KCNA6: variants seen among roughly 807,000 people sequenced by gnomAD.
The protein encoded by KCNA6 is human brain potassium channel-2.
Under a neutral mutation model 29.5 loss-of-function variants are expected in KCNA6, and 17 were observed. The ratio of observed to expected loss-of-function variants is 0.58; its 90% CI spans 0.39 to 0.86. KCNA6 has a LOEUF of 0.86. KCNA6 is among the 40% of genes least tolerant of loss of function. The pLI is 0.00. For missense variants in KCNA6, 450 were observed against 703.4 expected, an observed-to-expected ratio of 0.64 and a Z score of 4.07; for synonymous variants, 296 against 304.7, an observed-to-expected ratio of 0.97 and a Z score of 0.30.
the KCNA6 span, among the ~76,000 whole-genome samples, chr12:4,820,415 T>G: frequency 2.0e-5 from 3 of 151,912 alleles, no homozygotes; most frequent in Non-Finnish European, 4.4e-5. Context: ...AGGAGACTGA[T>G]GCAGAGAAGT....
At chr12:4,849,822 A>G in the KCNA6 span, among the ~76,000 whole-genome samples, 1 of 152,240 alleles carries the variant, frequency 6.6e-6, no homozygotes, top group Admixed American at 6.5e-5. Context: ...ACCTTTTCCA[A>G]AGCAGTTTCA....
the KCNA6 span, chr12:4,839,035 A>G: frequency 6.6e-6 from 1 of 152,234 alleles, no homozygotes; most frequent in Non-Finnish European, 1.5e-5. Context: ...GACTGCTTTC[A>G]TAGGCTCTCA....
chr12:4,845,044 C>T, the KCNA6 span, among the ~76,000 whole-genome samples: 1 of 152,270 alleles, frequency 6.6e-6, no homozygotes, highest in Non-Finnish European at 1.5e-5. Flanking sequence ...TGGAGCCTTC[C>T]ATTGCGGAAG....
chr12:4,846,945 A>AT, the KCNA6 span, among the ~76,000 whole-genome samples: 65 of 142,686 alleles, frequency 4.6e-4, no homozygotes, highest in South Asian at 2.5e-3. Context: ...CGCCCAGCTA[A>AT]TTTTTTTTTT....
chr12:4,810,128 G>A lies in KCNA6; in HGVS notation c.87G>A (p.Pro29=), dbSNP rs767055334. ...AGCAACAGGATGCGGGAGACTTCCC[G>A]GAGGCCGGCGGGGGCGGGGGCTGCT... The change falls in exon 1 of 1, where the codon CCG becomes CCA. Residue 29 remains proline, a synonymous_variant. Coordinates refer to ENST00000280684, the Ensembl canonical transcript of KCNA6. This position sits in a 1 kb window ranked among gnomAD's most constrained non-coding sequence, Gnocchi z 7.5. 3.8e-6 allele frequency: 6 copies of A among 1,597,490 alleles called. No individual in the cohort carries two copies. The Admixed American group carries it at 8.4e-5, about 22-fold the overall frequency.
chr12:4,830,198 A>G, the KCNA6 span, among the ~76,000 whole-genome samples: 1 of 152,110 alleles, frequency 6.6e-6, no homozygotes, highest in Non-Finnish European at 1.5e-5. Flanking sequence ...AGGTCATGGC[A>G]CTGAGGGATG....
At chr12:4,844,681 A>G in the KCNA6 span, among the ~76,000 whole-genome samples, 1 of 152,078 alleles carries the variant, frequency 6.6e-6, no homozygotes, top group Non-Finnish European at 1.5e-5. This position sits in a 1 kb window ranked among gnomAD's most constrained non-coding sequence, Gnocchi z 4.0. Context: ...GGGCTACCAT[A>G]AGGACTGTGA....
At chr12:4,844,915 C>T in the KCNA6 span, among the ~76,000 whole-genome samples, 1 of 152,142 alleles carries the variant, frequency 6.6e-6, no homozygotes, top group Admixed American at 6.5e-5. This position sits in a 1 kb window ranked among gnomAD's most constrained non-coding sequence, Gnocchi z 4.0. Context: ...GCTTAATTTT[C>T]AGTGTTCCTG....
At chr12:4,825,715 C>T in the KCNA6 span, among the ~76,000 whole-genome samples, 18 of 152,294 alleles carry the variant, frequency 1.2e-4, no homozygotes, top group African/African-American at 4.3e-4. Context: ...CCCTATAGTC[C>T]TTATAAGTCT....
the KCNA6 span, among the ~76,000 whole-genome samples, chr12:4,831,053 C>T: frequency 6.6e-6 from 1 of 152,212 alleles, no homozygotes; most frequent in South Asian, 2.1e-4. Flanking sequence ...CGCTGACTTT[C>T]AGGAAAGGTA....
chr12:4,830,713 C>G, the KCNA6 span, among the ~76,000 whole-genome samples: 1 of 152,242 alleles, frequency 6.6e-6, no homozygotes, highest in East Asian at 1.9e-4. Flanking sequence ...CTCCCAGTGA[C>G]TGTAGACTTC....
chr12:4,840,363 G>T, the KCNA6 span, among the ~76,000 whole-genome samples: 66 of 152,030 alleles, frequency 4.3e-4, no homozygotes, highest in Non-Finnish European at 5.6e-4. Flanking sequence ...GCATGCACGT[G>T]GTCAATAAGC....
In KCNA6 at chr12:4,810,550, C is replaced by T; in HGVS notation, c.509C>T (p.Ser170Phe). The T allele has an allele frequency of 6.2e-7, 1 of 1,614,186 alleles. No individual in the cohort carries two copies. Among genetic ancestry groups the T allele is most frequent in the Non-Finnish European group, 8.5e-7 (1 of 1,180,032 alleles). ...CTGCTCTTTGAGTACCCAGAGAGCT[C>T]TGGGCCGGCCAGGGGCATCGCCATC... is the stretch of plus-strand genomic sequence containing the variant. Residue 170 changes from serine (S) to phenylalanine (F), a missense_variant, in exon 1 of 1, where the codon TCT (serine) becomes TTT (phenylalanine). This residue lies in a region of KCNA6 where 133 missense variants were observed against 217.5 expected (regional missense o/e 0.61). Coordinates refer to ENST00000280684, the Ensembl canonical transcript of KCNA6. This position sits in a 1 kb window ranked among gnomAD's most constrained non-coding sequence, Gnocchi z 7.5.
At chr12:4,824,258 G>A in the KCNA6 span, among the ~76,000 whole-genome samples, 4 of 152,250 alleles carry the variant, frequency 2.6e-5, no homozygotes, top group Non-Finnish European at 5.9e-5. Context: ...TGAGGCATAA[G>A]CAAGGTCTCT....
Position 4,810,024 on chromosome 12 carries a change from G to T in KCNA6, c.-18G>T. On this transcript the variant is annotated 5_prime_UTR_variant, in exon 1 of 1. Transcript: ENST00000280684. The surrounding 1 kb of genome is among the most constrained non-coding windows in gnomAD (Gnocchi z 7.5). ...GTGGGCGCCGTCCTAGTGGCGGGGA[G>T]CGCACCTCCGAGGGGGCATGAGATC... 1 of 1,480,324 alleles carries T rather than the reference G, an allele frequency of 6.8e-7. No individual in the cohort carries two copies. 91.7% of individuals were successfully genotyped at this position (1,480,324 alleles called of 1,614,324 possible).
At chr12:4,839,521 G>A in the KCNA6 span, among the ~76,000 whole-genome samples, 1 of 152,182 alleles carries the variant, frequency 6.6e-6, no homozygotes, top group Admixed American at 6.5e-5. Flanking sequence ...TAGGTTATTA[G>A]TAGTTAAGTT....
chr12:4,841,153 C>A, the KCNA6 span, among the ~76,000 whole-genome samples: 1 of 152,142 alleles, frequency 6.6e-6, no homozygotes, highest in East Asian at 1.9e-4. Flanking sequence ...ATTGGATGTT[C>A]AAATTTAGAA....
the KCNA6 span, among the ~76,000 whole-genome samples, chr12:4,831,062 T>C: frequency 0.41 from 62,136 of 152,136 alleles, 13,287 homozygotes; most frequent in Middle Eastern, 0.53. Flanking sequence ...TCAGGAAAGG[T>C]AAGCTCTCTG....
the KCNA6 span, among the ~76,000 whole-genome samples, chr12:4,825,516 C>T: frequency 3.9e-5 from 6 of 152,136 alleles, no homozygotes; most frequent in Non-Finnish European, 8.8e-5. Context: ...TTGGAAAACT[C>T]GAAGAGATCT....
Sources: allele counts gnomAD v4.1 joint callset (sites outside exome capture counted in the v4.1 genomes callset), GRCh38; gene constraint gnomAD v4.1.1; regional missense constraint gnomAD v4.1.1; non-coding constraint Gnocchi (gnomAD v3.1); transcripts MANE v1.5; gene names NCBI Gene and HGNC (gene_info 2026-07-23, HGNC 2026-07-21).